The following MAPKAP1 variants were observed in gnomAD, a reference collection of about 807,000 sequenced individuals.
MAPKAP1 encodes MAPK associated protein 1.
MAPKAP1 carries 20 observed loss-of-function variants against 65.7 expected under a neutral mutation model. That is an observed-to-expected ratio of 0.30 (90% CI 0.21 to 0.44). MAPKAP1 has a LOEUF of 0.44. Among genes scored for constraint, MAPKAP1 ranks in the 20% least tolerant of loss-of-function variants. The probability of loss-of-function intolerance (pLI) is 1.00; values close to 1 mark genes in which losing one functional copy is unlikely to be tolerated. For synonymous variants in MAPKAP1, 222 were observed against 244.3 expected (o/e 0.91, Z 0.85); for missense variants, 423 against 648.0 (o/e 0.65, Z 3.77).
Position 125,595,891 on chromosome 9 carries a change from G to A in MAPKAP1, c.499-10164C>T. The stretch of plus-strand genomic sequence containing the variant: ...AGGTGGATGCAGCCATGAATGCAAG[G>A]CCACACAAGGTGGATCGGAGTTGTG... On this transcript the variant is annotated intron_variant, in intron 4 of 11. Transcript: ENST00000265960. This position sits in a 1 kb window ranked among gnomAD's most constrained non-coding sequence, Gnocchi z 4.0. The A allele has an allele frequency of 1.7e-6, 2 of 1,196,744 alleles. No individual in the cohort carries two copies. The highest frequency in any genetic ancestry group is 1.5e-5 in the African/African-American group (1 of 67,218). The allele number at this position is 1,196,744 out of a possible 1,614,324, so 74.1% of individuals were successfully genotyped here. A position where few individuals can be genotyped will look rare whatever the true frequency, so the allele number is the denominator to read the frequency against.
At chr9:125,465,388 A>G (rs1225010546) in intron 10 of MAPKAP1, among the ~76,000 whole-genome samples, 2 of 152,266 alleles carry the variant, frequency 1.3e-5, no homozygotes, top group Non-Finnish European at 2.9e-5. Flanking sequence ...AAAAAGGGTT[A>G]CCATTAATCC....
chr9:125,660,038 C>T (rs1834140160), intron 3 of MAPKAP1, among the ~76,000 whole-genome samples: 1 of 152,104 alleles, frequency 6.6e-6, no homozygotes, highest in Non-Finnish European at 1.5e-5. Context: ...CCCAGGACTC[C>T]ACTCTATCTG....
chr9:125,606,783 T>C, intron 4 of MAPKAP1, among the ~76,000 whole-genome samples: 1 of 152,160 alleles, frequency 6.6e-6, no homozygotes, highest in Non-Finnish European at 1.5e-5. Context: ...GACAGCCACA[T>C]TATGTTCACC....
intron 5 of MAPKAP1, among the ~76,000 whole-genome samples, chr9:125,566,280 T>C (rs1831048382): frequency 6.6e-6 from 1 of 152,164 alleles, no homozygotes. Flanking sequence ...TTATAAGACT[T>C]CTTGCTGGGT....
At chr9:125,441,739 G>T (rs574871882) in intron 11 of MAPKAP1, among the ~76,000 whole-genome samples, 3 of 152,300 alleles carry the variant, frequency 2.0e-5, no homozygotes, top group Non-Finnish European at 4.4e-5. Context: ...ACAGGGCTGG[G>T]CTTCCGTTGC....
At chr9:125,504,321 C>T (rs1049595511) in intron 8 of MAPKAP1, among the ~76,000 whole-genome samples, 1 of 152,156 alleles carries the variant, frequency 6.6e-6, no homozygotes, top group Admixed American at 6.5e-5. Context: ...ATTTTTATTT[C>T]TATGTGTATT....
intron 6 of MAPKAP1, among the ~76,000 whole-genome samples, chr9:125,553,683 C>T (rs1311075514): frequency 1.3e-5 from 2 of 152,198 alleles, no homozygotes; most frequent in Admixed American, 6.5e-5. Context: ...AATGGCAGTG[C>T]TGAGTTACAG....
intron 7 of MAPKAP1, among the ~76,000 whole-genome samples, chr9:125,522,669 G>A (rs1327774525): frequency 1.3e-5 from 2 of 152,112 alleles, no homozygotes; most frequent in Non-Finnish European, 2.9e-5. Flanking sequence ...TCACCCTATT[G>A]TTAGAGTGCT....
chr9:125,560,317 G>A (rs979871700), intron 5 of MAPKAP1, among the ~76,000 whole-genome samples: 2 of 152,182 alleles, frequency 1.3e-5, no homozygotes, highest in Non-Finnish European at 2.9e-5. Flanking sequence ...CAGGCATGGT[G>A]GCTCATGCCT....
intron 4 of MAPKAP1, among the ~76,000 whole-genome samples, chr9:125,622,121 T>C (rs370188267): frequency 1.3e-4 from 20 of 152,234 alleles, no homozygotes; most frequent in African/African-American, 4.3e-4. Context: ...ATTGTGGGTA[T>C]TGGAGGCTGG....
intron 10 of MAPKAP1, among the ~76,000 whole-genome samples, chr9:125,460,708 C>T (rs930338122): frequency 5.3e-5 from 8 of 152,330 alleles, no homozygotes; most frequent in South Asian, 4.1e-4. Flanking sequence ...CTATCATACA[C>T]TGAGGGTCAA....
At chr9:125,668,828 G>A (rs570432516) in intron 3 of MAPKAP1, among the ~76,000 whole-genome samples, 1 of 152,310 alleles carries the variant, frequency 6.6e-6, no homozygotes, top group African/African-American at 2.4e-5. Flanking sequence ...GCCCACTAAT[G>A]GGGCAAGGAA....
intron 1 of MAPKAP1, among the ~76,000 whole-genome samples, chr9:125,693,822 C>T (rs1346973251): frequency 7.7e-6 from 1 of 129,198 alleles, no homozygotes; most frequent in African/African-American, 3.1e-5. Context: ...CACATATACA[C>T]ACACACACAT....
intron 4 of MAPKAP1, among the ~76,000 whole-genome samples, chr9:125,586,929 C>A (rs1831806177): frequency 6.6e-6 from 1 of 152,234 alleles, no homozygotes; most frequent in Non-Finnish European, 1.5e-5. Context: ...AGTCTTGATG[C>A]TTCTTCCTCC....
intron 6 of MAPKAP1, among the ~76,000 whole-genome samples, chr9:125,549,992 C>T (rs1377340166): frequency 6.6e-6 from 1 of 152,208 alleles, no homozygotes; most frequent in African/African-American, 2.4e-5. Context: ...TTATAACAAA[C>T]TCAAGTGGCT....
intron 5 of MAPKAP1, 143 bp downstream of exon 5, chr9:125,585,412 G>A (rs1328367858): frequency 7.6e-6 from 6 of 787,584 alleles, no homozygotes; most frequent in East Asian, 2.5e-5. Flanking sequence ...GCACAGGCGC[G>A]AGACCTGGTG....
At chr9:125,576,912 C>T (rs927506956) in intron 5 of MAPKAP1, among the ~76,000 whole-genome samples, 26 of 152,030 alleles carry the variant, frequency 1.7e-4, no homozygotes, top group African/African-American at 5.6e-4. Context: ...CCCAAAGTGC[C>T]GAGATTGCAG....
chr9:125,543,247 C>T, intron 6 of MAPKAP1, 79 bp from the exon 7 acceptor site: 1 of 1,076,044 alleles, frequency 9.3e-7, no homozygotes, highest in Non-Finnish European at 1.4e-6. Flanking sequence ...TGTGTTTAAG[C>T]AAGTTTTTTT....
chr9:125,444,664 T>A, intron 10 of MAPKAP1, 66 bp from the exon 11 acceptor site: 1 of 1,077,758 alleles, frequency 9.3e-7, no homozygotes, highest in East Asian at 2.4e-5. Flanking sequence ...CCTCCATATG[T>A]TCTCCCCTAT....
Sources: allele counts gnomAD v4.1 joint callset (sites outside exome capture counted in the v4.1 genomes callset), GRCh38; gene constraint gnomAD v4.1.1; non-coding constraint Gnocchi (gnomAD v3.1); transcripts MANE v1.5; gene names NCBI Gene and HGNC (gene_info 2026-07-23, HGNC 2026-07-21).